Variants in ABLIM2 observed in about 807,000 individuals in gnomAD.
ABLIM2 encodes the protein actin binding LIM protein family member 2.
In ABLIM2, 53 loss-of-function variants were observed where a neutral mutation model predicts 97.7. That is an observed-to-expected ratio of 0.54 (90% CI 0.44 to 0.68). ABLIM2 has a LOEUF of 0.68. ABLIM2 is among the 30% of genes least tolerant of loss of function. ABLIM2 has a pLI of 0.00. For missense variants in ABLIM2, 835 were observed against 867.2 expected, an observed-to-expected ratio of 0.96 and a Z score of 0.47; for synonymous variants, 361 against 345.8, an observed-to-expected ratio of 1.04 and a Z score of -0.49.
intron 1 of ABLIM2, among the ~76,000 whole-genome samples, chr4:8,151,683 G>A (rs139198477): frequency 6.8e-4 from 104 of 152,248 alleles, no homozygotes; most frequent in Non-Finnish European, 1.2e-3. Context: ...GGATGGCAGT[G>A]GCCCTGTTTT....
chr4:8,060,807 G>A (rs879594393), intron 7 of ABLIM2, among the ~76,000 whole-genome samples, 160 bp downstream of exon 7: 8 of 152,164 alleles, frequency 5.3e-5, no homozygotes, highest in South Asian at 2.1e-4. Flanking sequence ...GGCCTGGCAC[G>A]TGCCACCGCC....
At position 7,998,205 on chromosome 4, in the gene ABLIM2, T is replaced by C. The variant is rs1030358672; in HGVS notation, c.1619-5278A>G. Among the ~76,000 whole-genome samples the C allele has an allele frequency of 2.6e-5, 4 of 152,046 alleles. No individual in the cohort carries two copies. Among genetic ancestry groups the C allele is most frequent in the African/African-American group, 9.7e-5 (4 of 41,404 alleles). Reference sequence around the variant, plus strand: ...CGGGCCTTCTGCTGTCTTTTTTCATTCAAATCATTGATCTTCGGTGTTCTT... The same window carrying C: ...CGGGCCTTCTGCTGTCTTTTTTCATCCAAATCATTGATCTTCGGTGTTCTT... On this transcript the variant is annotated intron_variant, in intron 16 of 20. Coordinates refer to ENST00000447017, the MANE Select transcript of ABLIM2 (RefSeq NM_001130083.2). The surrounding 1 kb of genome is among the most constrained non-coding windows in gnomAD (Gnocchi z 6.4).
Position 8,097,113 on chromosome 4 carries a change from C to A in ABLIM2, c.324G>T (p.Val108=). The A allele has an allele frequency of 6.2e-7, 1 of 1,608,926 alleles. No individual in the cohort carries two copies. Among genetic ancestry groups the A allele is most frequent in the Non-Finnish European group, 8.5e-7 (1 of 1,177,356 alleles). Residue 108 remains valine, a synonymous_variant, in exon 3 of 21, where the codon GTG becomes GTT. Coordinates refer to ENST00000447017, the MANE Select transcript of ABLIM2 (RefSeq NM_001130083.2). The part of the protein sequence containing the change: ...LGKTYHPDCF[V]CAVCRLPFPP... ...CACTTACTCACCGGCAGACGGCACA[C>A]ACGAAGCAGTCGGGGTGGTAGGTCT...
intron 12 of ABLIM2, among the ~76,000 whole-genome samples, chr4:8,024,497 G>T (rs901343222): frequency 6.6e-6 from 1 of 152,164 alleles, no homozygotes; most frequent in Non-Finnish European, 1.5e-5. Flanking sequence ...GGCCAGAGAC[G>T]CCAGAGGAGC....
chr4:8,152,991 C>T (rs1448632883), intron 1 of ABLIM2, among the ~76,000 whole-genome samples: 1 of 152,176 alleles, frequency 6.6e-6, no homozygotes, highest in Non-Finnish European at 1.5e-5. Context: ...CCAAGGGGTG[C>T]AGCAAGGAAG....
rs1156530187 is a variant in ABLIM2 at position 8,095,058 on chromosome 4, TTCTC to T, written c.338+2037_338+2040del. 4.4e-5 allele frequency among the ~76,000 whole-genome samples: 6 copies of T among 136,352 alleles called. No homozygotes were observed. Among genetic ancestry groups the T allele is most frequent in the South Asian group, 2.3e-4 (1 of 4,292 alleles). The allele number at this position is 136,352 out of a possible 152,430, so 89.5% of individuals were successfully genotyped here. A position where few individuals can be genotyped will look rare whatever the true frequency, so the allele number is the denominator to read the frequency against. ...TTTCCTTCCTTCCTTCTTTCTTTCT[TTCTC>T]TTTCTTTCTTTCTCTCTCTCTCTCT... On this transcript the variant is annotated intron_variant, in intron 3 of 20. Coordinates refer to ENST00000447017, the MANE Select transcript of ABLIM2 (RefSeq NM_001130083.2). The surrounding 1 kb of genome is among the most constrained non-coding windows in gnomAD (Gnocchi z 4.7).
Position 8,021,892 on chromosome 4 carries a change from C to A in ABLIM2, c.1268-1589G>T, listed in dbSNP as rs775479998. On this transcript the variant is annotated intron_variant, in intron 12 of 20. Coordinates refer to ENST00000447017, the MANE Select transcript of ABLIM2 (RefSeq NM_001130083.2). This position sits in a 1 kb window ranked among gnomAD's most constrained non-coding sequence, Gnocchi z 5.5. The stretch of plus-strand genomic sequence containing the variant: ...AACCTCCCTCCAGAACAGCATGGAA[C>A]CTTCTAGAGCCTCAGTTGGCTCTAC... Among the ~76,000 whole-genome samples, 15 of 152,220 alleles carry A rather than the reference C, an allele frequency of 9.9e-5. No individual in the cohort carries two copies. The highest frequency in any genetic ancestry group is 1.6e-4 in the Non-Finnish European group (11 of 68,036).
At chr4:8,035,613 G>A (rs1464784425) in intron 10 of ABLIM2, among the ~76,000 whole-genome samples, 1 of 152,214 alleles carries the variant, frequency 6.6e-6, no homozygotes, top group Non-Finnish European at 1.5e-5. Flanking sequence ...AATGGACAGA[G>A]CAGCTCTGAA....
intron 1 of ABLIM2, among the ~76,000 whole-genome samples, chr4:8,142,420 C>G (rs1210445577): frequency 6.6e-6 from 1 of 152,228 alleles, no homozygotes; most frequent in African/African-American, 2.4e-5. Context: ...GACTCTCCAC[C>G]TTCGGGCACA....
chr4:8,035,979 T>C (rs986729230), intron 10 of ABLIM2, among the ~76,000 whole-genome samples, 170 bp downstream of exon 10: 1 of 152,110 alleles, frequency 6.6e-6, no homozygotes, highest in Non-Finnish European at 1.5e-5. Flanking sequence ...ATTACTGAAA[T>C]AGGATGTGCA....
At position 8,148,620 on chromosome 4, in the gene ABLIM2, C is replaced by T. The variant is rs1286423970; in HGVS notation, c.10+10060G>A. ...AGCACATCGCGGTGCTGGGTCCACA[C>T]TGGGGAAGCGCGTAAGCCGTTCCCC... On this transcript the variant is annotated intron_variant, in intron 1 of 20. Coordinates refer to ENST00000447017, the MANE Select transcript of ABLIM2 (RefSeq NM_001130083.2). The surrounding 1 kb of genome is among the most constrained non-coding windows in gnomAD (Gnocchi z 6.7). 6.6e-6 allele frequency among the ~76,000 whole-genome samples: 1 copy of T among 152,202 alleles called. No homozygotes were observed. The highest frequency in any genetic ancestry group is 6.5e-5 in the Admixed American group (1 of 15,290).
At position 8,087,637 on chromosome 4, in the gene ABLIM2, G is replaced by A. The variant is rs1005950119; in HGVS notation, c.454+532C>T. On this transcript the variant is annotated intron_variant, in intron 4 of 20. Coordinates refer to ENST00000447017, the MANE Select transcript of ABLIM2 (RefSeq NM_001130083.2). This position sits in a 1 kb window ranked among gnomAD's most constrained non-coding sequence, Gnocchi z 4.6. The stretch of plus-strand genomic sequence containing the variant: ...CTGAAGGAGACCTGGAAGGCTTCCT[G>A]GAGGAGGTATGCTAGAGCTGGGCAA... 6.6e-6 allele frequency among the ~76,000 whole-genome samples: 1 copy of A among 152,224 alleles called. No homozygotes were observed. The highest frequency in any genetic ancestry group is 6.5e-5 in the Admixed American group (1 of 15,290).
At chr4:8,011,155 G>A (rs1393719366) in intron 14 of ABLIM2, among the ~76,000 whole-genome samples, 2 of 152,226 alleles carry the variant, frequency 1.3e-5, no homozygotes, top group African/African-American at 4.8e-5. Context: ...AGGTCAGCCT[G>A]GCTTCAGGGA....
At chr4:8,152,283 G>C (rs1032370147) in intron 1 of ABLIM2, among the ~76,000 whole-genome samples, 1 of 152,246 alleles carries the variant, frequency 6.6e-6, no homozygotes, top group Non-Finnish European at 1.5e-5. Context: ...TGTTGCGGCT[G>C]AGTCGGGCAC....
chr4:8,139,162 G>A (rs1222359309), intron 1 of ABLIM2, among the ~76,000 whole-genome samples: 2 of 150,538 alleles, frequency 1.3e-5, no homozygotes, highest in Admixed American at 6.6e-5. Flanking sequence ...GCACCATTAC[G>A]CTCCAGCCTG....
chr4:8,098,074 A>G (rs1832626671), intron 2 of ABLIM2, among the ~76,000 whole-genome samples: 1 of 152,134 alleles, frequency 6.6e-6, no homozygotes, highest in South Asian at 2.1e-4. Flanking sequence ...ATGTCCTGAG[A>G]CCCGATCGCA....
chr4:8,108,410 G>C (rs987096166), intron 1 of ABLIM2, among the ~76,000 whole-genome samples: 1 of 152,236 alleles, frequency 6.6e-6, no homozygotes, highest in Admixed American at 6.5e-5. Context: ...GAGAAAGGCA[G>C]AGCTCAGACA....
rs529889272 is a variant in ABLIM2, at chr4:8,112,964, G to A, written c.11-6327C>T. On this transcript the variant is annotated intron_variant, in intron 1 of 20. Transcript: ENST00000447017. The surrounding 1 kb of genome is among the most constrained non-coding windows in gnomAD (Gnocchi z 4.2). ...GTGTGCCATTCAGCACCACACCAGC[G>A]TGACAGGCACAGGAAGAGGGACATG... 4.6e-5 allele frequency among the ~76,000 whole-genome samples: 7 copies of A among 152,300 alleles called. No homozygotes were observed. The highest frequency in any genetic ancestry group is 3.3e-4 in the Admixed American group (5 of 15,302).
At chr4:8,045,131 C>T (rs2151751540) in intron 9 of ABLIM2, 33 bp downstream of exon 9, 1 of 1,600,036 alleles carries the variant, frequency 6.2e-7, no homozygotes, top group Non-Finnish European at 8.6e-7. Context: ...TCCACCCTCC[C>T]ACCGCCGTCC....
Sources: gnomAD v4.1 joint callset for allele counts (sites outside exome capture counted in the v4.1 genomes callset) on GRCh38, gnomAD v4.1.1 for gene constraint, Gnocchi (gnomAD v3.1) non-coding constraint, MANE v1.5 for transcripts, NCBI Gene and HGNC (gene_info 2026-07-23, HGNC 2026-07-21) for gene names.